The following SPINK14 variants were observed in gnomAD, a reference collection of about 807,000 sequenced individuals.
The protein encoded by SPINK14 is serine protease inhibitor Kazal-type 14.
In SPINK14, 6 loss-of-function variants were observed where a neutral mutation model predicts 14.2. The ratio of observed to expected loss-of-function variants is 0.42; its 90% CI spans 0.23 to 0.83. SPINK14 has a LOEUF of 0.83. Among genes scored for constraint, SPINK14 ranks in the 40% least tolerant of loss-of-function variants. SPINK14 has a pLI of 0.28. For synonymous variants in SPINK14, 34 were observed against 36.8 expected (o/e 0.92, Z 0.27); for missense variants, 86 against 108.3 (o/e 0.79, Z 0.91).
At chr5:148,171,067 T>A (rs1561720838) in intron 3 of SPINK14, 94 bp downstream of exon 3, 1 of 1,179,178 alleles carries the variant, frequency 8.5e-7, no homozygotes, top group East Asian at 2.4e-5. Flanking sequence ...TGCCTCAAGG[T>A]CACCCGTAAT....
At position 148,175,253 on chromosome 5, in the gene SPINK14, CA is replaced by C. The variant is rs1755152313; in HGVS notation, c.249-97del. 24 of 787,940 alleles carry C rather than the reference CA, an allele frequency of 3.0e-5. 1 individual carries two copies. Among genetic ancestry groups the C allele is most frequent in the Non-Finnish European group, 4.7e-5 (23 of 492,280 alleles). The allele number at this position is 787,940 out of a possible 1,614,324, so 48.8% of individuals were successfully genotyped here. ...TTTACACTCTGGATCTTAGTTTTTC[CA>C]AATATAAAACCAGGTTTTAGATAGA... On this transcript the variant is annotated intron_variant, in intron 4 of 4. Transcript: ENST00000356972.
At chr5:148,170,139 ATGTATACACATAC>A (rs1755083250) in intron 2 of SPINK14, among the ~76,000 whole-genome samples, 1 of 147,934 alleles carries the variant, frequency 6.8e-6, no homozygotes, top group Non-Finnish European at 1.5e-5. Flanking sequence ...GAGTATATAT[ATGTATACACATAC>A]TCAGAGTATA....
At chr5:148,172,271 G>A (rs931325378) in intron 3 of SPINK14, among the ~76,000 whole-genome samples, 6 of 152,080 alleles carry the variant, frequency 3.9e-5, no homozygotes, top group Non-Finnish European at 8.8e-5. Flanking sequence ...TTACCTACCT[G>A]GGTCACTAAT....
intron 4 of SPINK14, among the ~76,000 whole-genome samples, chr5:148,174,874 C>T (rs1462282521): frequency 1.3e-5 from 2 of 152,198 alleles, no homozygotes; most frequent in East Asian, 3.9e-4. Flanking sequence ...ATGCTTTCAG[C>T]TTTGATTCCT....
intron 3 of SPINK14, among the ~76,000 whole-genome samples, chr5:148,172,831 T>C (rs911260928): frequency 6.6e-6 from 1 of 151,794 alleles, no homozygotes; most frequent in East Asian, 1.9e-4. Flanking sequence ...GAGGGAAAGA[T>C]AAAGAATTTA....
At chr5:148,170,397 T>A (rs1253673336) in intron 2 of SPINK14, among the ~76,000 whole-genome samples, 2 of 151,580 alleles carry the variant, frequency 1.3e-5, no homozygotes, top group Admixed American at 1.3e-4. Context: ...AAATTTAGAG[T>A]GTTTGATTTG....
chr5:148,169,862 T>C (rs1429331062), intron 2 of SPINK14, 63 bp downstream of exon 2: 9 of 1,347,956 alleles, frequency 6.7e-6, no homozygotes, highest in South Asian at 2.5e-5. Flanking sequence ...TACATCATAA[T>C]CTGAGAGAGA....
rs139752932 is a variant in SPINK14, at chr5:148,169,765, G to T, written c.33G>T (p.Leu11Phe). 3.9e-5 allele frequency: 62 copies of T among 1,607,308 alleles called. No homozygotes were observed. Among genetic ancestry groups the T allele is most frequent in the Non-Finnish European group, 4.8e-5 (56 of 1,176,774 alleles). ...AATCTTTCCCAGTATTCTCACTTTT[G>T]TCCTTTATCTTGATACATTTGGTGT... MAKSFPVFSL[L>F]SFILIHLVLS... is the part of the protein sequence containing the mutation. Residue 11 changes from leucine to phenylalanine, a missense_variant, in exon 2 of 5, where the codon TTG (leucine) becomes TTT (phenylalanine). Leu to Phe is a conservative substitution (Grantham distance 22). Coordinates refer to ENST00000356972, the MANE Select transcript of SPINK14 (RefSeq NM_001001325.2).
chr5:148,170,902 T>C (rs1175959743), intron 2 of SPINK14, 28 bp from the exon 3 acceptor site: 3 of 1,598,396 alleles, frequency 1.9e-6, no homozygotes, highest in East Asian at 2.2e-5. Flanking sequence ...GGAATTAAAT[T>C]CTGTAACTAT....
rs555694393 is a variant in SPINK14 at position 148,174,281 on chromosome 5, G to T, written c.159G>T (p.Thr53=). 7 of 1,112,894 alleles carry T rather than the reference G, an allele frequency of 6.3e-6. 3 individuals are homozygous for T. The highest frequency in any genetic ancestry group is 8.6e-6 in the Non-Finnish European group (7 of 810,032). 68.9% of individuals were successfully genotyped at this position (1,112,894 alleles called of 1,614,324 possible). A position where few individuals can be genotyped will look rare whatever the true frequency, so the allele number is the denominator to read the frequency against. Residue 53 remains threonine, a synonymous_variant, in exon 4 of 5, where the codon ACG becomes ACT. Coordinates refer to ENST00000356972, the MANE Select transcript of SPINK14 (RefSeq NM_001001325.2). ...TAAACTTGAGCTGGTACAATGGAAC[G>T]GTCAACCCCTGCCCTGGCTTATATC... ...EKVNLSWYNG[T]VNPCPGLYQP...
rs754176002 is a variant in SPINK14, at chr5:148,169,728, G to A, written c.-5G>A. On this transcript the variant is annotated 5_prime_UTR_variant, in exon 2 of 5. Transcript: ENST00000356972. The stretch of plus-strand genomic sequence containing the variant: ...CATCATTCCAAGGACACACCAGGAG[G>A]AAAAATGGCCAAATCTTTCCCAGTA... 3 of 1,606,762 alleles carry A rather than the reference G, an allele frequency of 1.9e-6. No homozygotes were observed. Among genetic ancestry groups the A allele is most frequent in the East Asian group, 4.5e-5 (2 of 44,362 alleles).
At chr5:148,175,077 T>C (rs1296038901) in intron 4 of SPINK14, among the ~76,000 whole-genome samples, 1 of 33,306 alleles carries the variant, frequency 3.0e-5, no homozygotes, top group African/African-American at 1.4e-4. Context: ...TTGACATGCC[T>C]CACACATCAC....
chr5:148,170,880 T>C, intron 2 of SPINK14, 50 bp from the exon 3 acceptor site: 2 of 1,515,484 alleles, frequency 1.3e-6, no homozygotes, highest in Non-Finnish European at 9.1e-7. Flanking sequence ...CAGATTAAGC[T>C]ATGATTTAAC....
At chr5:148,170,086 T>A (rs12188750) in intron 2 of SPINK14, among the ~76,000 whole-genome samples, 1 of 107,450 alleles carries the variant, frequency 9.3e-6, no homozygotes, top group African/African-American at 3.3e-5. Flanking sequence ...TACATATACA[T>A]ATATATACAC....
chr5:148,171,084 CA>C, intron 3 of SPINK14, 111 bp downstream of exon 3: 1 of 987,300 alleles, frequency 1.0e-6, no homozygotes, highest in Non-Finnish European at 1.6e-6. Flanking sequence ...TAATAGTCTT[CA>C]AGGCCTATTT....
rs189040541 is a variant in SPINK14 at position 148,173,008 on chromosome 5, C to T, written c.112-1226C>T. Among the ~76,000 whole-genome samples, 135 of 151,852 alleles carry T rather than the reference C, an allele frequency of 8.9e-4. 3 individuals are homozygous for T. The highest frequency in any genetic ancestry group is 8.9e-3 in the Admixed American group (135 of 15,224). ...TGAGGTTCGACGAAAGGACCTTAAT[C>T]AAGGAAATAAAATGATTCAATAGAA... On this transcript the variant is annotated intron_variant, in intron 3 of 4. Transcript: ENST00000356972.
At position 148,175,483 on chromosome 5, in the gene SPINK14, T is replaced by C; in HGVS notation, c.*85T>C. 2.0e-6 allele frequency: 2 copies of C among 1,009,582 alleles called. No individual in the cohort carries two copies. The highest frequency in any genetic ancestry group is 3.1e-6 in the Non-Finnish European group (2 of 655,326). 62.5% of individuals were successfully genotyped at this position (1,009,582 alleles called of 1,614,324 possible). On this transcript the variant is annotated 3_prime_UTR_variant, in exon 5 of 5. Coordinates refer to ENST00000356972, the MANE Select transcript of SPINK14 (RefSeq NM_001001325.2). ...CCCTCTTGCGCTTTTTACATCTCCT[T>C]GCATTTGTTCTTCATGACAAAGAGC...
intron 4 of SPINK14, 100 bp from the exon 5 acceptor site, chr5:148,175,253 C>A: frequency 1.3e-6 from 1 of 787,938 alleles, no homozygotes. Flanking sequence ...TTAGTTTTTC[C>A]AAATATAAAA....
intron 4 of SPINK14, among the ~76,000 whole-genome samples, chr5:148,174,883 C>G (rs752429904): frequency 6.6e-6 from 1 of 152,030 alleles, no homozygotes; most frequent in Non-Finnish European, 1.5e-5. Flanking sequence ...GCTTTGATTC[C>G]TATATGAGTG....
Sources: gnomAD v4.1 joint callset for allele counts (sites outside exome capture counted in the v4.1 genomes callset) on GRCh38, gnomAD v4.1.1 for gene constraint, MANE v1.5 for transcripts, NCBI Gene and HGNC (gene_info 2026-07-23, HGNC 2026-07-21) for gene names.